The following PPFIBP2 variants were observed in gnomAD, a reference collection of about 807,000 sequenced individuals.
The protein encoded by PPFIBP2 is PPFIB scaffold protein 2.
A neutral mutation model predicts 118.3 loss-of-function variants in PPFIBP2; 118 were observed. The ratio of observed to expected loss-of-function variants is 1.00; its 90% CI spans 0.86 to 1.16. The LOEUF (loss-of-function observed/expected upper bound fraction) is 1.16. Ranked by LOEUF, PPFIBP2 falls within the 50% of genes most tolerant of loss-of-function variation. PPFIBP2 has a pLI of 0.00. For synonymous variants in PPFIBP2, 414 were observed against 397.4 expected (o/e 1.04, Z -0.50); for missense variants, 1,195 against 1,073.1 (o/e 1.11, Z -1.59).
At chr11:7,631,253 G>T in intron 11 of PPFIBP2, 1 of 483,048 alleles carries the variant, frequency 2.1e-6, no homozygotes, top group Non-Finnish European at 3.7e-6. Flanking sequence ...GAACTTTCAA[G>T]GATAGGAGTT....
intron 1 of PPFIBP2, among the ~76,000 whole-genome samples, chr11:7,519,677 GAGAC>G (rs1391642098): frequency 6.6e-6 from 1 of 152,156 alleles, no homozygotes; most frequent in Non-Finnish European, 1.5e-5. Flanking sequence ...AGGGAAAAAG[GAGAC>G]AGTCCTGGAC....
At chr11:7,590,188 G>A (rs1444346373) in intron 3 of PPFIBP2, among the ~76,000 whole-genome samples, 4 of 152,176 alleles carry the variant, frequency 2.6e-5, no homozygotes, top group African/African-American at 9.7e-5. Flanking sequence ...TTTTCTCCAG[G>A]CAGAGGTGGC....
rs1565028214 is a variant in PPFIBP2 at position 7,597,601 on chromosome 11, G to C, written c.414G>C (p.Lys138Asn). 6.2e-7 allele frequency: 1 copy of C among 1,614,098 alleles called. No homozygotes were observed. Among genetic ancestry groups the C allele is most frequent in the Admixed American group, 1.7e-5 (1 of 60,020 alleles). Residue 138 changes from lysine to asparagine, a missense_variant, in exon 5 of 24, where the codon AAG becomes AAC. By Grantham distance (94) the Lys-to-Asn change is moderately conservative. Transcript: ENST00000299492. ...LTDQVEAQGE[K>N]IRDLEVCLEG... is the part of the protein sequence containing the mutation. ...ACCAAGTAGAAGCCCAGGGAGAAAA[G>C]ATTCGAGACCTGGAAGTGTGTCTGG...
intron 7 of PPFIBP2, among the ~76,000 whole-genome samples, chr11:7,622,284 A>G (rs1849441230): frequency 6.6e-6 from 1 of 152,224 alleles, no homozygotes; most frequent in Non-Finnish European, 1.5e-5. Context: ...TTGCGAGGAC[A>G]GCACCAAGAG....
chr11:7,651,946 C>G, intron 23 of PPFIBP2, 102 bp downstream of exon 23: 1 of 1,164,004 alleles, frequency 8.6e-7, no homozygotes, highest in Non-Finnish European at 1.2e-6. Flanking sequence ...CATGCGCAGC[C>G]TGGACAAAGA....
downstream of PPFIBP2, chr11:7,653,900 G>T (rs149821667): frequency 8.3e-6 from 7 of 844,976 alleles, no homozygotes; most frequent in Non-Finnish European, 1.1e-5. Flanking sequence ...ATTCACCAGG[G>T]GGGTAGAGCA....
intron 10 of PPFIBP2, 34 bp downstream of exon 10, chr11:7,629,568 A>G: frequency 1.2e-6 from 2 of 1,601,844 alleles, no homozygotes; most frequent in Non-Finnish European, 1.7e-6. Context: ...GTTGTCTCTG[A>G]AAGATATTCC....
intron 15 of PPFIBP2, chr11:7,640,909 G>GTT: frequency 3.8e-6 from 3 of 783,524 alleles, no homozygotes; most frequent in Non-Finnish European, 3.7e-6. Context: ...TTCTGTTTGA[G>GTT]TTTTTCTCTC....
chr11:7,538,935 A>G (rs1851494227), intron 1 of PPFIBP2, among the ~76,000 whole-genome samples: 1 of 152,192 alleles, frequency 6.6e-6, no homozygotes, highest in South Asian at 2.1e-4. Flanking sequence ...AGGTTGAAAC[A>G]AGGAACCTTG....
intron 2 of PPFIBP2, among the ~76,000 whole-genome samples, chr11:7,550,873 C>T (rs1852898597): frequency 6.6e-6 from 1 of 152,156 alleles, no homozygotes; most frequent in South Asian, 2.1e-4. Context: ...AGCCTACATC[C>T]TTCTCCCGTG....
intron 2 of PPFIBP2, among the ~76,000 whole-genome samples, chr11:7,555,768 G>C (rs1853542031): frequency 6.6e-6 from 1 of 152,134 alleles, no homozygotes; most frequent in African/African-American, 2.4e-5. Context: ...CCATCTCCCA[G>C]TCCTTTATGG....
At chr11:7,641,787 G>A (rs1429293804) in intron 16 of PPFIBP2, 167 bp downstream of exon 16, 2 of 746,514 alleles carry the variant, frequency 2.7e-6, no homozygotes, top group African/African-American at 3.6e-5. Flanking sequence ...CCAAGAGAAG[G>A]AGAAGTATGA....
chr11:7,520,198 A>G (rs934761809), intron 1 of PPFIBP2, among the ~76,000 whole-genome samples: 1 of 152,216 alleles, frequency 6.6e-6, no homozygotes, highest in African/African-American at 2.4e-5. Flanking sequence ...ATCAGCACCA[A>G]ATGAGGACAG....
chr11:7,595,640 A>G (rs1260964315), intron 4 of PPFIBP2, among the ~76,000 whole-genome samples: 2 of 152,160 alleles, frequency 1.3e-5, no homozygotes, highest in African/African-American at 4.8e-5. Flanking sequence ...TTAAGTGATC[A>G]CTGCTGTTCT....
chr11:7,524,085 C>G (rs1409828257), intron 1 of PPFIBP2, among the ~76,000 whole-genome samples: 2 of 152,032 alleles, frequency 1.3e-5, no homozygotes, highest in Non-Finnish European at 2.9e-5. Flanking sequence ...CCAAAAGGAA[C>G]TACTTGGTTG....
At chr11:7,590,162 C>T (rs1858978289) in intron 3 of PPFIBP2, among the ~76,000 whole-genome samples, 1 of 152,220 alleles carries the variant, frequency 6.6e-6, no homozygotes, top group Non-Finnish European at 1.5e-5. Flanking sequence ...GCCCTGTTCT[C>T]AGATGCTTTC....
chr11:7,663,841 A>C, the PPFIBP2 span, among the ~76,000 whole-genome samples: 1 of 152,234 alleles, frequency 6.6e-6, no homozygotes, highest in African/African-American at 2.4e-5. Context: ...TGCGGGATAT[A>C]ATCTCATGGT....
intron 5 of PPFIBP2, among the ~76,000 whole-genome samples, chr11:7,600,031 A>G (rs775930096): frequency 1.3e-5 from 2 of 152,038 alleles, no homozygotes; most frequent in African/African-American, 2.4e-5. Context: ...CATGTGCCAT[A>G]GAGGGTAGAT....
intron 3 of PPFIBP2, among the ~76,000 whole-genome samples, chr11:7,584,101 T>C (rs1448731308): frequency 6.6e-6 from 1 of 152,250 alleles, no homozygotes; most frequent in African/African-American, 2.4e-5. Context: ...ATTTCTTTTT[T>C]CCTTCTGTCC....
Sources: gnomAD v4.1 joint callset for allele counts (sites outside exome capture counted in the v4.1 genomes callset) on GRCh38, gnomAD v4.1.1 for gene constraint, MANE v1.5 for transcripts, NCBI Gene and HGNC (gene_info 2026-07-23, HGNC 2026-07-21) for gene names.